The following UBAP2L variants were observed in gnomAD, a reference collection of about 807,000 sequenced individuals.
UBAP2L encodes ubiquitin-associated protein 2-like.
In UBAP2L, 12 loss-of-function variants were observed where a neutral mutation model predicts 130.6. The ratio of observed to expected loss-of-function variants is 0.09; its 90% CI spans 0.06 to 0.15. UBAP2L has a LOEUF of 0.15. Among genes scored for constraint, UBAP2L ranks in the 10% least tolerant of loss-of-function variants. The probability of loss-of-function intolerance (pLI) is 1.00; values close to 1 mark genes in which losing one functional copy is unlikely to be tolerated. For missense variants in UBAP2L, 965 were observed against 1,332.5 expected (o/e 0.72, Z 4.29); for synonymous variants, 503 against 524.7 (o/e 0.96, Z 0.57).
At chr1:154,253,715 C>T (rs1678677809) in intron 14 of UBAP2L, among the ~76,000 whole-genome samples, 185 bp from the exon 15 acceptor site, 2 of 152,038 alleles carry the variant, frequency 1.3e-5, no homozygotes, top group African/African-American at 4.8e-5. Context: ...ATCTCTGGCG[C>T]TATAGAAGGT....
chr1:154,239,397 G>A (rs550801362), intron 8 of UBAP2L, among the ~76,000 whole-genome samples: 110 of 152,166 alleles, frequency 7.2e-4, no homozygotes, highest in Non-Finnish European at 1.2e-3. Context: ...AATATCTGTG[G>A]ATATGTCATT....
chr1:154,259,856 C>G, intron 21 of UBAP2L, 92 bp from the exon 22 acceptor site: 1 of 1,336,128 alleles, frequency 7.5e-7, no homozygotes, highest in Non-Finnish European at 1.1e-6. Flanking sequence ...GCACAACTCT[C>G]ACATTCTTCT....
chr1:154,258,924 T>C (rs964415014), intron 20 of UBAP2L, 53 bp from the exon 21 acceptor site: 1 of 1,510,664 alleles, frequency 6.6e-7, no homozygotes, highest in African/African-American at 1.4e-5. Flanking sequence ...GGCTCCTTGT[T>C]TTGCTAACAT....
rs1489501999 is a variant in UBAP2L at position 154,260,959 on chromosome 1, C to T, written c.2646C>T (p.Pro882=). The T allele has an allele frequency of 1.2e-6, 2 of 1,614,076 alleles. No individual in the cohort carries two copies. The highest frequency in any genetic ancestry group is 1.1e-5 in the South Asian group (1 of 91,086). The part of the protein sequence containing the change: ...SPAPATTLAQ[P]QQNQTQTHHT... ...CCCCGGCCACAACCTTGGCCCAACC[C>T]CAACAGAACCAGACGCAGACTCACC... The change falls in exon 23 of 27, where the codon CCC becomes CCT. Residue 882 remains proline, a synonymous_variant. Coordinates refer to ENST00000428931, the MANE Select transcript of UBAP2L (RefSeq NM_014847.4).
chr1:154,244,845 C>T (rs1404070129), intron 10 of UBAP2L, among the ~76,000 whole-genome samples: 2 of 151,656 alleles, frequency 1.3e-5, no homozygotes, highest in Non-Finnish European at 2.9e-5. Flanking sequence ...AATCATTGGC[C>T]ATTGGTGATT....
intron 4 of UBAP2L, among the ~76,000 whole-genome samples, chr1:154,231,267 G>C (rs1669743755): frequency 1.3e-5 from 2 of 150,696 alleles, no homozygotes; most frequent in Non-Finnish European, 2.9e-5. Flanking sequence ...TGGGACAACA[G>C]GTGTGCGCCA....
At chr1:154,263,618 T>C in intron 24 of UBAP2L, 2 of 706,284 alleles carry the variant, frequency 2.8e-6, no homozygotes, top group Non-Finnish European at 3.5e-6. Flanking sequence ...CAAAGAACTA[T>C]TAATTTTTCA....
At chr1:154,261,205 T>C (rs1681418040) in intron 23 of UBAP2L, 96 bp downstream of exon 23, 1 of 1,357,742 alleles carries the variant, frequency 7.4e-7, no homozygotes, top group African/African-American at 1.5e-5. Context: ...TAATAATGGA[T>C]GAGGAGGAAC....
In UBAP2L at chr1:154,246,211, C is replaced by T; in HGVS notation, c.850C>T (p.Leu284Phe). Residue 284 changes from leucine (L) to phenylalanine (F), a missense_variant, in exon 11 of 27, where the codon CTT becomes TTT. Around this residue, in one of 9 missense-constraint regions of UBAP2L, gnomAD observed 99 missense variants for 106.4 expected, o/e 0.93. Transcript: ENST00000428931. ...CCTTCCCTTCCCCATTAGAATTGAC[C>T]TTGCTGTTCTGCTGGGGAAGACACC... is the stretch of plus-strand genomic sequence containing the variant. ...VTITAGQRID[L>F]AVLLGKTPST... 1 of 1,607,338 alleles carries T rather than the reference C, an allele frequency of 6.2e-7. No homozygotes were observed. The highest frequency in any genetic ancestry group is 8.5e-7 in the Non-Finnish European group (1 of 1,175,248).
intron 2 of UBAP2L, 47 bp from the exon 3 acceptor site, chr1:154,227,235 A>C (rs1200988112): frequency 6.5e-7 from 1 of 1,543,858 alleles, no homozygotes; most frequent in Non-Finnish European, 8.9e-7. Flanking sequence ...TGTTCTCTAA[A>C]CTGTTGCCTC....
At chr1:154,265,586 C>T (rs1166822499) in intron 24 of UBAP2L, among the ~76,000 whole-genome samples, 1 of 151,992 alleles carries the variant, frequency 6.6e-6, no homozygotes, top group African/African-American at 2.4e-5. Context: ...TCTTCTTGAC[C>T]CGATGCCTTA....
At chr1:154,251,942 G>C (rs532881391) in intron 14 of UBAP2L, among the ~76,000 whole-genome samples, 1 of 152,078 alleles carries the variant, frequency 6.6e-6, no homozygotes, top group Non-Finnish European at 1.5e-5. Context: ...TTCAAGACCA[G>C]CCTGGGCAAC....
intron 11 of UBAP2L, among the ~76,000 whole-genome samples, chr1:154,248,089 T>C (rs1165660239): frequency 1.3e-5 from 2 of 152,054 alleles, no homozygotes; most frequent in African/African-American, 4.8e-5. Flanking sequence ...TGCCTCAGCC[T>C]CCTGAGTAGC....
rs571651558 is a variant in UBAP2L, at chr1:154,252,279, T to C, written c.1664+626T>C. ...GGTGAGCAACCGTGCCCAGCCCAGA[T>C]TTTTTTTTTTTTTTTTTTTTTAGAT... On this transcript the variant is annotated intron_variant, in intron 14 of 26. Transcript: ENST00000428931. Among the ~76,000 whole-genome samples, 205 of 105,572 alleles carry C rather than the reference T, an allele frequency of 1.9e-3. 1 individual carries two copies. The highest frequency in any genetic ancestry group is 8.7e-3 in the African/African-American group (201 of 23,010). The allele number at this position is 105,572 out of a possible 152,430, so 69.3% of individuals were successfully genotyped here. A position where few individuals can be genotyped will look rare whatever the true frequency, so the allele number is the denominator to read the frequency against.
At chr1:154,266,618 G>C (rs1306713617) in intron 25 of UBAP2L, 50 bp downstream of exon 25, 1 of 1,578,820 alleles carries the variant, frequency 6.3e-7, no homozygotes, top group Non-Finnish European at 8.7e-7. Context: ...ACATAGAGGA[G>C]GTGGAGTTGC....
intron 16 of UBAP2L, 99 bp downstream of exon 16, chr1:154,254,989 T>C (rs1038301210): frequency 4.5e-5 from 65 of 1,455,740 alleles, no homozygotes; most frequent in Middle Eastern, 3.6e-4. Flanking sequence ...TTGAGACCCA[T>C]GCTGTGTAAT....
intron 26 of UBAP2L, chr1:154,269,701 G>C: frequency 3.1e-6 from 1 of 324,754 alleles, no homozygotes; most frequent in Non-Finnish European, 6.1e-6. Flanking sequence ...TCTCATACCT[G>C]CCTGAAATGG....
At chr1:154,246,526 G>A (rs889985479) in intron 11 of UBAP2L, 151 bp downstream of exon 11, 2 of 729,648 alleles carry the variant, frequency 2.7e-6, no homozygotes, top group Non-Finnish European at 4.4e-6. Context: ...GTTTGAGTTG[G>A]GTAATAGGGG....
intron 2 of UBAP2L, among the ~76,000 whole-genome samples, chr1:154,225,883 G>A (rs575141410): frequency 1.3e-5 from 2 of 152,244 alleles, no homozygotes; most frequent in African/African-American, 2.4e-5. Flanking sequence ...GCGCCACTTC[G>A]GCTCACTGCA....
Sources: allele counts gnomAD v4.1 joint callset (sites outside exome capture counted in the v4.1 genomes callset), GRCh38; gene constraint gnomAD v4.1.1; regional missense constraint gnomAD v4.1.1; transcripts MANE v1.5; gene names NCBI Gene and HGNC (gene_info 2026-07-23, HGNC 2026-07-21).